ZRANB3: variants seen among roughly 807,000 people sequenced by gnomAD.
ZRANB3 encodes the protein DNA annealing helicase and endonuclease ZRANB3.
ZRANB3 carries 125 observed loss-of-function variants against 133.8 expected under a neutral mutation model. The observed-to-expected ratio is 0.93, with a 90% CI of 0.81 to 1.08. ZRANB3 has a LOEUF of 1.08. Among genes scored for constraint, ZRANB3 ranks in the 50% least tolerant of loss-of-function variants. ZRANB3 has a pLI of 0.00. For synonymous variants in ZRANB3, 387 were observed against 432.7 expected (o/e 0.89, Z 1.31); for missense variants, 1,229 against 1,275.5 (o/e 0.96, Z 0.56).
intron 2 of ZRANB3, among the ~76,000 whole-genome samples, chr2:135,469,873 G>T (rs79374252): frequency 6.6e-6 from 1 of 151,540 alleles, no homozygotes; most frequent in African/African-American, 2.4e-5. Context: ...ATTAGCGGGC[G>T]TGGTGGCGGG....
At chr2:135,414,925 T>C (rs575956665) in intron 2 of ZRANB3, among the ~76,000 whole-genome samples, 64 of 152,092 alleles carry the variant, frequency 4.2e-4, no homozygotes, top group African/African-American at 1.3e-3. Context: ...AGACACAACA[T>C]ACCAGAATCT....
intron 2 of ZRANB3, among the ~76,000 whole-genome samples, chr2:135,463,814 G>A (rs1690871008): frequency 6.6e-6 from 1 of 152,168 alleles, no homozygotes; most frequent in African/African-American, 2.4e-5. Flanking sequence ...TGACAGAAGT[G>A]TACCTTAGAA....
chr2:135,508,472 A>T (rs1407885694), intron 1 of ZRANB3, among the ~76,000 whole-genome samples: 1 of 152,236 alleles, frequency 6.6e-6, no homozygotes, highest in Non-Finnish European at 1.5e-5. Flanking sequence ...CAATGAAATT[A>T]AAGTTATATT....
chr2:135,319,150 T>C (rs894781582), intron 6 of ZRANB3, among the ~76,000 whole-genome samples: 4 of 152,202 alleles, frequency 2.6e-5, no homozygotes, highest in African/African-American at 4.8e-5. Context: ...TTTTTAGAGT[T>C]AGACACTTTT....
chr2:135,336,742 C>T (rs1684388449), intron 6 of ZRANB3, among the ~76,000 whole-genome samples: 1 of 152,084 alleles, frequency 6.6e-6, no homozygotes, highest in Admixed American at 6.5e-5. Flanking sequence ...CTCTCTCTTT[C>T]TGTTGTCATA....
intron 8 of ZRANB3, among the ~76,000 whole-genome samples, chr2:135,311,581 TAA>T (rs372719391): frequency 6.4e-5 from 9 of 139,704 alleles, no homozygotes; most frequent in Middle Eastern, 3.6e-3. Flanking sequence ...GGTGAAAGAA[TAA>T]AAAAAAAAAA....
At chr2:135,449,309 AC>A (rs1342809818) in intron 2 of ZRANB3, among the ~76,000 whole-genome samples, 1 of 152,156 alleles carries the variant, frequency 6.6e-6, no homozygotes, top group Non-Finnish European at 1.5e-5. Flanking sequence ...AGATAATAAA[AC>A]AAGCAATGGT....
At position 135,455,384 on chromosome 2, in the gene ZRANB3, C is replaced by T. The variant is rs1046904188; in HGVS notation, c.161+48945G>A. 7.3e-5 allele frequency among the ~76,000 whole-genome samples: 11 copies of T among 151,100 alleles called. 1 individual carries two copies. Among genetic ancestry groups the T allele is most frequent in the Admixed American group, 2.0e-4 (3 of 15,162 alleles). Reference sequence around the variant, plus strand: ...TGTATTTTTACTAGAGACGGGGTTTCGCCACGTTGGCCAGGATGGTTTTGA... The same window carrying T: ...TGTATTTTTACTAGAGACGGGGTTTTGCCACGTTGGCCAGGATGGTTTTGA... On this transcript the variant is annotated intron_variant, in intron 2 of 20. Coordinates refer to ENST00000264159, the MANE Select transcript of ZRANB3 (RefSeq NM_032143.4).
intron 2 of ZRANB3, among the ~76,000 whole-genome samples, chr2:135,492,504 T>C (rs1408392115): frequency 2.0e-5 from 3 of 152,190 alleles, no homozygotes. Context: ...GACTTAACTG[T>C]AAGGTGTCTG....
intron 1 of ZRANB3, among the ~76,000 whole-genome samples, chr2:135,515,997 T>C (rs1186338405): frequency 6.6e-6 from 1 of 152,194 alleles, no homozygotes; most frequent in East Asian, 1.9e-4. Context: ...AACAGTTAGC[T>C]CTTCTTGTTG....
chr2:135,344,398 A>C (rs1405433017), intron 6 of ZRANB3, among the ~76,000 whole-genome samples: 2 of 152,204 alleles, frequency 1.3e-5, no homozygotes, highest in African/African-American at 4.8e-5. Context: ...ATAAGAGTAG[A>C]CTGCATAAAT....
intron 1 of ZRANB3, among the ~76,000 whole-genome samples, chr2:135,519,385 C>A (rs577315963): frequency 6.6e-6 from 1 of 152,210 alleles, no homozygotes; most frequent in Admixed American, 6.5e-5. Context: ...GATGATTACA[C>A]CTGTAATCCC....
chr2:135,476,255 T>C (rs1574162032), intron 2 of ZRANB3, among the ~76,000 whole-genome samples: 1 of 152,214 alleles, frequency 6.6e-6, no homozygotes, highest in Non-Finnish European at 1.5e-5. Context: ...AAATATTAGA[T>C]ATATTCAGCA....
chr2:135,346,587 T>C (rs1298187391), intron 5 of ZRANB3, among the ~76,000 whole-genome samples: 1 of 152,154 alleles, frequency 6.6e-6, no homozygotes, highest in African/African-American at 2.4e-5. Flanking sequence ...TAGGATTATA[T>C]TTAGAAATGG....
intron 2 of ZRANB3, among the ~76,000 whole-genome samples, chr2:135,434,398 A>G (rs1689443193): frequency 6.6e-6 from 1 of 152,188 alleles, no homozygotes; most frequent in African/African-American, 2.4e-5. Flanking sequence ...AGGCTGAAGA[A>G]GTAAATTAGG....
At chr2:135,326,902 A>C (rs1285725338) in intron 6 of ZRANB3, among the ~76,000 whole-genome samples, 1 of 90,344 alleles carries the variant, frequency 1.1e-5, no homozygotes, top group African/African-American at 1.2e-4. Flanking sequence ...CCATCTCAAA[A>C]AAAAAAAAAA....
chr2:135,399,424 T>C (rs887653013), intron 2 of ZRANB3, among the ~76,000 whole-genome samples: 8 of 152,176 alleles, frequency 5.3e-5, no homozygotes, highest in Admixed American at 2.6e-4. Flanking sequence ...AACAATGTTA[T>C]AGGAAATAAG....
intron 2 of ZRANB3, among the ~76,000 whole-genome samples, chr2:135,429,379 A>G (rs1689223991): frequency 6.6e-6 from 1 of 152,164 alleles, no homozygotes; most frequent in South Asian, 2.1e-4. Context: ...ACTGGGGCCT[A>G]CTTGAGGGTG....
chr2:135,441,322 G>A (rs1256867255), intron 2 of ZRANB3, among the ~76,000 whole-genome samples: 1 of 152,096 alleles, frequency 6.6e-6, no homozygotes, highest in Non-Finnish European at 1.5e-5. Context: ...GCAACCGAAT[G>A]ACATTCATGG....
Sources: allele counts gnomAD v4.1 joint callset (sites outside exome capture counted in the v4.1 genomes callset), GRCh38; gene constraint gnomAD v4.1.1; transcripts MANE v1.5; gene names NCBI Gene and HGNC (gene_info 2026-07-23, HGNC 2026-07-21).